Variants in DOCK3 observed in about 807,000 individuals in gnomAD.
DOCK3 encodes dedicator of cytokinesis 3, also known as dedicator of cytokinesis protein 3.
A neutral mutation model predicts 265.6 loss-of-function variants in DOCK3; 60 were observed. That is an observed-to-expected ratio of 0.23 (90% CI 0.18 to 0.28). DOCK3 has a LOEUF of 0.28. Ranked by LOEUF, DOCK3 falls within the 10% of genes least tolerant of loss-of-function variation. DOCK3 has a pLI of 1.00. For missense variants in DOCK3, 1,981 were observed against 2,594.3 expected, an observed-to-expected ratio of 0.76 and a Z score of 5.14; for synonymous variants, 881 against 938.0, an observed-to-expected ratio of 0.94 and a Z score of 1.11.
intron 9 of DOCK3, among the ~76,000 whole-genome samples, chr3:51,094,267 TG>T (rs1232555099): frequency 6.6e-6 from 1 of 152,232 alleles, no homozygotes; most frequent in East Asian, 1.9e-4. Flanking sequence ...TTTGTGTCTG[TG>T]GTAGAATTCG....
chr3:50,680,085 G>A (rs1441044959), intron 1 of DOCK3, among the ~76,000 whole-genome samples: 1 of 152,118 alleles, frequency 6.6e-6, no homozygotes, highest in East Asian at 1.9e-4. Flanking sequence ...CGTGTCCTCT[G>A]AAAGGAATTG....
At position 51,310,171 on chromosome 3, in the gene DOCK3, CCTA is replaced by C; in HGVS notation, c.2923-60_2923-58del. The C allele has an allele frequency of 2.2e-6, 3 of 1,334,792 alleles. No individual in the cohort carries two copies. The Admixed American group carries it at 5.9e-5, about 26-fold the overall frequency. 82.7% of individuals were successfully genotyped at this position (1,334,792 alleles called of 1,614,324 possible). ...ATGATCTAGTGGCGGCCAGGAGTGG[CCTA>C]TTGAGGAGATGCATATTGTGGTGGT... is the stretch of plus-strand genomic sequence containing the variant. On this transcript the variant is annotated intron_variant, in intron 27 of 52. Transcript: ENST00000266037.
At chr3:51,184,201 C>T (rs2107761169) in intron 12 of DOCK3, among the ~76,000 whole-genome samples, 1 of 151,980 alleles carries the variant, frequency 6.6e-6, no homozygotes, top group African/African-American at 2.4e-5. Flanking sequence ...ATCCCAGCTA[C>T]TCAGGAGGCT....
At chr3:51,040,395 C>T (rs2080435437) in intron 5 of DOCK3, among the ~76,000 whole-genome samples, 2 of 152,096 alleles carry the variant, frequency 1.3e-5, no homozygotes, top group Non-Finnish European at 2.9e-5. Flanking sequence ...AAAAATTATG[C>T]TGAAACTATA....
chr3:51,364,329 G>T (rs1328122376), intron 49 of DOCK3, among the ~76,000 whole-genome samples: 1 of 151,952 alleles, frequency 6.6e-6, no homozygotes, highest in Admixed American at 6.6e-5. Context: ...CTTTTTGATG[G>T]GGTTGTTTGA....
intron 33 of DOCK3, among the ~76,000 whole-genome samples, chr3:51,332,175 C>T (rs1235623136): frequency 6.6e-6 from 1 of 152,276 alleles, no homozygotes; most frequent in African/African-American, 2.4e-5. Flanking sequence ...ACTCTCATGA[C>T]CTTAGAGAGC....
At chr3:50,841,760 T>A in intron 3 of DOCK3, 45 bp downstream of exon 3, 1 of 412,988 alleles carries the variant, frequency 2.4e-6, no homozygotes, top group Non-Finnish European at 4.3e-6. Context: ...AGGAAGGAAC[T>A]ACCTTGTATG....
At chr3:51,088,789 T>G (rs1360073927) in intron 7 of DOCK3, among the ~76,000 whole-genome samples, 4 of 152,228 alleles carry the variant, frequency 2.6e-5, no homozygotes, top group Non-Finnish European at 5.9e-5. Flanking sequence ...AGAATCTGCT[T>G]CTTCTCATTT....
At chr3:51,276,307 G>A (rs1358586943) in intron 25 of DOCK3, 1 of 955,162 alleles carries the variant, frequency 1.0e-6, no homozygotes, top group African/African-American at 1.8e-5. Context: ...TTCCCACCAG[G>A]CCTCAGAGAA....
chr3:50,971,650 A>G (rs1366523139), intron 5 of DOCK3, among the ~76,000 whole-genome samples: 2 of 152,198 alleles, frequency 1.3e-5, no homozygotes, highest in Non-Finnish European at 2.9e-5. Context: ...CTTACAGGTA[A>G]GGGCTGGCTG....
intron 6 of DOCK3, among the ~76,000 whole-genome samples, chr3:51,067,427 T>TGTGTG (rs2081633377): frequency 1.9e-4 from 28 of 144,204 alleles, no homozygotes; most frequent in African/African-American, 7.1e-4. Context: ...TGAAATATGT[T>TGTGTG]TGTGTGTGTG....
chr3:50,784,973 A>G (rs767627335), intron 2 of DOCK3, among the ~76,000 whole-genome samples: 18 of 152,180 alleles, frequency 1.2e-4, no homozygotes, highest in African/African-American at 1.9e-4. Flanking sequence ...CCTGGCTAAC[A>G]TGGTGAAACG....
At position 51,382,491 on chromosome 3, in the gene DOCK3, C is replaced by T. The variant is rs1352195785; in HGVS notation, c.*932C>T. ...TGGCAGGCGCCGGAAATCCTCAAAG[C>T]TTTCAGAAGCATCCAGAATGCCTAC... On this transcript the variant is annotated 3_prime_UTR_variant, in exon 53 of 53. Coordinates refer to ENST00000266037, the MANE Select transcript of DOCK3 (RefSeq NM_004947.5). 3 of 152,642 alleles carry T rather than the reference C, an allele frequency of 2.0e-5. No individual in the cohort carries two copies. The highest frequency in any genetic ancestry group is 7.2e-5 in the African/African-American group (3 of 41,450). 9.5% of individuals were successfully genotyped at this position (152,642 alleles called of 1,614,324 possible). A position where few individuals can be genotyped will look rare whatever the true frequency, so the allele number is the denominator to read the frequency against.
intron 2 of DOCK3, among the ~76,000 whole-genome samples, chr3:50,792,298 G>A (rs1217318937): frequency 3.3e-5 from 5 of 152,038 alleles, no homozygotes; most frequent in South Asian, 2.1e-4. Context: ...ATTTTTGCAC[G>A]TAGATTTTGT....
chr3:51,049,001 G>A (rs1330995981), intron 5 of DOCK3, among the ~76,000 whole-genome samples: 5 of 152,204 alleles, frequency 3.3e-5, no homozygotes, highest in Middle Eastern at 6.8e-3. Flanking sequence ...GCAGGCTTTC[G>A]GTCTCTACTT....
chr3:51,307,989 T>G (rs1378820966), intron 27 of DOCK3, among the ~76,000 whole-genome samples: 1 of 148,218 alleles, frequency 6.7e-6, no homozygotes, highest in Non-Finnish European at 1.5e-5. Context: ...ATGAATGGAG[T>G]TTTTCCAGGA....
At position 50,915,487 on chromosome 3, in the gene DOCK3, A is replaced by G. The variant is rs538373681; in HGVS notation, c.219-18494A>G. On this transcript the variant is annotated intron_variant, in intron 4 of 52. Transcript: ENST00000266037. Reference sequence around the variant, plus strand: ...CGAGTTCACCTGCATGGAAGGCAGGATGCTAGTATTGTGTGGCCTGTAGGG... The same window carrying G: ...CGAGTTCACCTGCATGGAAGGCAGGGTGCTAGTATTGTGTGGCCTGTAGGG... 2.0e-5 allele frequency among the ~76,000 whole-genome samples: 3 copies of G among 152,104 alleles called. No individual in the cohort carries two copies. In the South Asian group the frequency reaches 6.2e-4, roughly 32 times the overall value.
chr3:50,768,772 T>C (rs1490279135), intron 1 of DOCK3, among the ~76,000 whole-genome samples: 4 of 152,168 alleles, frequency 2.6e-5, no homozygotes. Flanking sequence ...ATATATGCAG[T>C]AGTGGGATTG....
intron 4 of DOCK3, among the ~76,000 whole-genome samples, chr3:50,896,791 G>C (rs968190334): frequency 2.0e-5 from 3 of 152,170 alleles, no homozygotes; most frequent in Non-Finnish European, 4.4e-5. Context: ...TCAAAGATCA[G>C]ATGGTTGTAG....
Sources: gnomAD v4.1 joint callset for allele counts (sites outside exome capture counted in the v4.1 genomes callset) on GRCh38, gnomAD v4.1.1 for gene constraint, MANE v1.5 for transcripts, NCBI Gene and HGNC (gene_info 2026-07-23, HGNC 2026-07-21) for gene names.